Variants in SMOC2 observed in about 807,000 individuals in gnomAD.
SMOC2 encodes the protein SPARC related modular calcium binding 2, also known as SPARC-related modular calcium-binding protein 2.
A neutral mutation model predicts 61.4 loss-of-function variants in SMOC2; 39 were observed. The ratio of observed to expected loss-of-function variants is 0.64; its 90% CI spans 0.49 to 0.83. SMOC2 has a LOEUF of 0.83. Among genes scored for constraint, SMOC2 ranks in the 40% least tolerant of loss-of-function variants. The pLI, the probability that SMOC2 is intolerant of heterozygous loss-of-function variation, is 0.00. For synonymous variants in SMOC2, 247 were observed against 239.9 expected (o/e 1.03, Z -0.27); for missense variants, 556 against 592.9 (o/e 0.94, Z 0.65).
chr6:168,599,322 TTCAC>T (rs1785440024), intron 8 of SMOC2, among the ~76,000 whole-genome samples: 1 of 78,640 alleles, frequency 1.3e-5, no homozygotes, highest in Non-Finnish European at 2.5e-5. Context: ...CCCACACTGT[TTCAC>T]ACACACTCAT....
intron 1 of SMOC2, among the ~76,000 whole-genome samples, chr6:168,495,020 C>T (rs1583056260): frequency 1.3e-5 from 2 of 152,362 alleles, no homozygotes; most frequent in Admixed American, 1.3e-4. Flanking sequence ...CCGCCTCTGG[C>T]ACCTTCCTGA....
chr6:168,556,409 C>T (rs1784252549), intron 7 of SMOC2, among the ~76,000 whole-genome samples: 3 of 152,284 alleles, frequency 2.0e-5, no homozygotes, highest in Middle Eastern at 3.4e-3. Context: ...CCCTGCGGCC[C>T]CCGCACCTCC....
In SMOC2 at chr6:168,525,272, C is replaced by T. The variant is rs183741323; in HGVS notation, c.257-1074C>T. Among the ~76,000 whole-genome samples, 227 of 152,328 alleles carry T rather than the reference C, an allele frequency of 1.5e-3. 6 individuals carry two copies. Among genetic ancestry groups the T allele is most frequent in the Middle Eastern group, 0.01 (3 of 294 alleles). On this transcript the variant is annotated intron_variant, in intron 2 of 12. Coordinates refer to ENST00000356284, the MANE Select transcript of SMOC2 (RefSeq NM_001166412.2). ...TCGTCTCCTGTGGTGGGAGGCTGTT[C>T]TTAGGACAAGCCTTTTCCCCCTGGG...
chr6:168,619,960 G>C (rs1786203597), intron 9 of SMOC2, among the ~76,000 whole-genome samples: 1 of 152,230 alleles, frequency 6.6e-6, no homozygotes, highest in Non-Finnish European at 1.5e-5. Context: ...CCGTTGTCCA[G>C]CTCGCTCTCA....
At chr6:168,450,877 C>G (rs1276759408) in intron 1 of SMOC2, among the ~76,000 whole-genome samples, 5 of 152,170 alleles carry the variant, frequency 3.3e-5, no homozygotes, top group African/African-American at 1.2e-4. Flanking sequence ...AAACCAGTTT[C>G]CACCACTCAT....
At chr6:168,598,590 G>A (rs1785388322) in intron 7 of SMOC2, among the ~76,000 whole-genome samples, 1 of 152,190 alleles carries the variant, frequency 6.6e-6, no homozygotes, top group Non-Finnish European at 1.5e-5. Flanking sequence ...ATCACTGTGG[G>A]TATGCTGTTG....
At chr6:168,538,646 G>A (rs1286861830) in intron 4 of SMOC2, among the ~76,000 whole-genome samples, 26 of 109,108 alleles carry the variant, frequency 2.4e-4, no homozygotes, top group African/African-American at 9.3e-4. Context: ...CTGCTGGAAT[G>A]TGGGGGAGTG....
intron 1 of SMOC2, among the ~76,000 whole-genome samples, chr6:168,448,480 G>T (rs1000555595): frequency 6.0e-5 from 9 of 150,426 alleles, no homozygotes; most frequent in Non-Finnish European, 1.3e-4. Flanking sequence ...CAAGGAAGAT[G>T]GGGATGAGGA....
chr6:168,512,796 G>A (rs1783039060), intron 2 of SMOC2, among the ~76,000 whole-genome samples: 1 of 152,126 alleles, frequency 6.6e-6, no homozygotes, highest in Non-Finnish European at 1.5e-5. Context: ...CTGAGGGAGT[G>A]CCAGCCCCTT....
At chr6:168,623,265 G>A (rs1786290047) in intron 9 of SMOC2, among the ~76,000 whole-genome samples, 1 of 151,896 alleles carries the variant, frequency 6.6e-6, no homozygotes, top group African/African-American at 2.4e-5. Context: ...GGGGATTCCA[G>A]TCAGGCCCAC....
At chr6:168,665,174 A>G (rs1190088316) in intron 12 of SMOC2, 1 of 218,234 alleles carries the variant, frequency 4.6e-6, no homozygotes, top group Non-Finnish European at 9.1e-6. Flanking sequence ...CCGAATGGCA[A>G]TCACTGTACT....
rs112965017 is a variant in SMOC2 at position 168,597,243 on chromosome 6, T to G, written c.638-1575T>G. On this transcript the variant is annotated intron_variant, in intron 7 of 12. Transcript: ENST00000356284. ...AATCTAATAGCAACATTTGGTAATA[T>G]AGTCAGTAATGGACTAATCATAAAA... is the stretch of plus-strand genomic sequence containing the variant. 1.1e-3 allele frequency among the ~76,000 whole-genome samples: 167 copies of G among 152,358 alleles called. 1 individual carries two copies. Among genetic ancestry groups the G allele is most frequent in the African/African-American group, 3.9e-3 (162 of 41,590 alleles).
chr6:168,510,082 C>T lies in SMOC2; in HGVS notation c.252C>T (p.Cys84=). 1.2e-6 allele frequency: 2 copies of T among 1,613,748 alleles called. No individual in the cohort carries two copies. The highest frequency in any genetic ancestry group is 1.7e-6 in the Non-Finnish European group (2 of 1,179,664). The change falls in exon 2 of 13, where the codon TGC becomes TGT. Residue 84 remains cysteine (C), a synonymous_variant. Transcript: ENST00000356284. ...PQLEIAYRGN[C]KDVSRCVAER... is the part of the protein sequence containing the mutation. ...TAGAGATTGCATATCGAGGAAACTGCAAAGGTAAGCTGCTGTTTGATCATT... is the reference window on the plus strand; with the variant it reads ...TAGAGATTGCATATCGAGGAAACTGTAAAGGTAAGCTGCTGTTTGATCATT...
intron 1 of SMOC2, among the ~76,000 whole-genome samples, chr6:168,442,195 G>A (rs1781227441): frequency 6.6e-6 from 1 of 152,254 alleles, no homozygotes. Context: ...GCGGCTCCCC[G>A]CTCTGCGGGG....
intron 1 of SMOC2, among the ~76,000 whole-genome samples, chr6:168,488,302 C>T (rs1782382992): frequency 6.6e-6 from 1 of 152,238 alleles, no homozygotes; most frequent in Admixed American, 6.5e-5. Flanking sequence ...CATTGTCTTC[C>T]CTCTCTTCCA....
chr6:168,664,150 T>C, intron 12 of SMOC2, 39 bp downstream of exon 12: 1 of 1,511,454 alleles, frequency 6.6e-7, no homozygotes, highest in Non-Finnish European at 9.1e-7. Flanking sequence ...CATTTCGTTT[T>C]TAAATTATAA....
At chr6:168,567,540 G>A (rs1159128310) in intron 7 of SMOC2, among the ~76,000 whole-genome samples, 4 of 151,992 alleles carry the variant, frequency 2.6e-5, no homozygotes, top group Admixed American at 6.6e-5. Context: ...GTAAAGCCAC[G>A]TTGAATATCT....
At chr6:168,648,542 G>T (rs189008825) in intron 9 of SMOC2, among the ~76,000 whole-genome samples, 1 of 152,230 alleles carries the variant, frequency 6.6e-6, no homozygotes, top group Non-Finnish European at 1.5e-5. Context: ...GAAGCACCGC[G>T]GCCAGCAGCC....
In SMOC2 at chr6:168,586,730, ATAGCAAATGACAT is replaced by A. The variant is rs1785053756; in HGVS notation, c.638-12086_638-12074del. 2.6e-5 allele frequency among the ~76,000 whole-genome samples: 4 copies of A among 152,320 alleles called. No individual in the cohort carries two copies. The South Asian group carries it at 8.3e-4, about 32-fold the overall frequency. The stretch of plus-strand genomic sequence containing the variant: ...TAAGCACTTTTATGTTTTTGATATT[ATAGCAAATGACAT>A]TTAATTTTTTTAATATTCCAATTAT... On this transcript the variant is annotated intron_variant, in intron 7 of 12. Transcript: ENST00000356284.
Sources: gnomAD v4.1 joint callset for allele counts (sites outside exome capture counted in the v4.1 genomes callset) on GRCh38, gnomAD v4.1.1 for gene constraint, MANE v1.5 for transcripts, NCBI Gene and HGNC (gene_info 2026-07-23, HGNC 2026-07-21) for gene names.